The following MKLN1 variants were observed in gnomAD, a reference collection of about 807,000 sequenced individuals.
The protein encoded by MKLN1 is muskelin 1.
MKLN1 carries 18 observed loss-of-function variants against 99.0 expected under a neutral mutation model. The observed-to-expected ratio is 0.18, with a 90% CI of 0.13 to 0.27. The LOEUF is 0.27. MKLN1 is among the 10% of genes least tolerant of loss of function. The pLI, the probability that MKLN1 is intolerant of heterozygous loss-of-function variation, is 1.00. For synonymous variants in MKLN1, 288 were observed against 293.2 expected (o/e 0.98, Z 0.18); for missense variants, 621 against 875.9 (o/e 0.71, Z 3.67).
intron 9 of MKLN1, 118 bp downstream of exon 9, chr7:131,429,263 G>A: frequency 1.6e-6 from 1 of 621,222 alleles, no homozygotes; most frequent in Non-Finnish European, 2.6e-6. Context: ...AATAGAATTT[G>A]TGGTAAACAA....
At chr7:131,186,589 C>G (rs936589252) in intron 2 of MKLN1, among the ~76,000 whole-genome samples, 17 of 152,164 alleles carry the variant, frequency 1.1e-4, no homozygotes. Flanking sequence ...AGTAGGTTCC[C>G]TCAGTGGGCT....
At position 131,171,696 on chromosome 7, in the gene MKLN1, G is replaced by A. The variant is rs1037363495; in HGVS notation, c.-297+28755G>A. 3.9e-5 allele frequency among the ~76,000 whole-genome samples: 6 copies of A among 152,222 alleles called. No individual in the cohort carries two copies. In the South Asian group the frequency reaches 1.0e-3, roughly 26 times the overall value. On this transcript the variant is annotated intron_variant, in intron 2 of 7. Transcript: ENST00000416992. ...TGATCTCGAACTCCTGACCTCAGGT[G>A]ATCCACCCACCTCGGCCTCCCAAAG...
intron 3 of MKLN1, among the ~76,000 whole-genome samples, chr7:131,302,806 T>C (rs1453731073): frequency 6.6e-6 from 1 of 152,200 alleles, no homozygotes; most frequent in Non-Finnish European, 1.5e-5. Context: ...TGCAGTAACT[T>C]ATAATTTAAG....
At chr7:131,410,668 A>C (rs964161548) in intron 6 of MKLN1, among the ~76,000 whole-genome samples, 1 of 152,154 alleles carries the variant, frequency 6.6e-6, no homozygotes, top group Non-Finnish European at 1.5e-5. Flanking sequence ...GATCCAATGA[A>C]TCCATGTCAT....
intron 3 of MKLN1, among the ~76,000 whole-genome samples, chr7:131,387,667 G>C (rs1055411214): frequency 1.3e-5 from 2 of 152,176 alleles, no homozygotes; most frequent in Non-Finnish European, 2.9e-5. Flanking sequence ...GTGGTTTACT[G>C]TAAGTTGGAG....
At chr7:131,230,981 C>T (rs539565834) in intron 3 of MKLN1, among the ~76,000 whole-genome samples, 87 of 151,458 alleles carry the variant, frequency 5.7e-4, no homozygotes, top group African/African-American at 2.0e-3. Context: ...GTTAGCTGGG[C>T]GTGGTGGTGA....
chr7:131,389,759 G>A (rs1270488703), intron 4 of MKLN1, among the ~76,000 whole-genome samples: 1 of 151,850 alleles, frequency 6.6e-6, no homozygotes, highest in African/African-American at 2.4e-5. Flanking sequence ...CGTGGTGGTA[G>A]GCGCCTGTAG....
intron 3 of MKLN1, among the ~76,000 whole-genome samples, chr7:131,235,314 TGAGAGAGAGAGGGA>T (rs1183367055): frequency 6.9e-6 from 1 of 145,846 alleles, no homozygotes; most frequent in Non-Finnish European, 1.5e-5. Flanking sequence ...TGTGTGTATG[TGAGAGAGAGAGGGA>T]GAGAGAGAGA....
At chr7:131,217,938 G>A (rs1468991241) in intron 3 of MKLN1, among the ~76,000 whole-genome samples, 1 of 152,176 alleles carries the variant, frequency 6.6e-6, no homozygotes, top group South Asian at 2.1e-4. Context: ...TTTAATAAAT[G>A]TGGGGCCAGC....
chr7:131,318,511 T>G (rs1262060066), intron 3 of MKLN1, among the ~76,000 whole-genome samples: 1 of 152,194 alleles, frequency 6.6e-6, no homozygotes, highest in East Asian at 1.9e-4. Flanking sequence ...TGGAAAGATC[T>G]GAAATCGTCA....
At chr7:131,339,899 AT>A (rs1672972444) in intron 1 of MKLN1, among the ~76,000 whole-genome samples, 1 of 152,094 alleles carries the variant, frequency 6.6e-6, no homozygotes, top group Non-Finnish European at 1.5e-5. Context: ...TACTTTAAAA[AT>A]ATTCCTACTT....
intron 3 of MKLN1, among the ~76,000 whole-genome samples, chr7:131,318,388 G>C (rs543645344): frequency 3.9e-5 from 6 of 152,238 alleles, no homozygotes; most frequent in African/African-American, 1.4e-4. Context: ...GGCAGATAAA[G>C]AAGTTCTTCG....
At chr7:131,275,723 G>A (rs905358572) in intron 3 of MKLN1, among the ~76,000 whole-genome samples, 6 of 150,650 alleles carry the variant, frequency 4.0e-5, no homozygotes, top group African/African-American at 9.8e-5. Flanking sequence ...GAGCCACTGC[G>A]CCCTGCCCAT....
intron 2 of MKLN1, among the ~76,000 whole-genome samples, chr7:131,155,237 T>C (rs1795946406): frequency 6.6e-6 from 1 of 152,174 alleles, no homozygotes; most frequent in Non-Finnish European, 1.5e-5. Context: ...TACAATTTTA[T>C]GTGTATATGG....
At chr7:131,171,631 T>C (rs1796217860) in intron 2 of MKLN1, among the ~76,000 whole-genome samples, 1 of 151,996 alleles carries the variant, frequency 6.6e-6, no homozygotes. Context: ...TAACTTTTTG[T>C]ATTTTTGGTG....
In MKLN1 at chr7:131,332,958, G is replaced by A. The variant is rs955746085; in HGVS notation, c.98+4961G>A. Among the ~76,000 whole-genome samples, 4 of 151,736 alleles carry A rather than the reference G, an allele frequency of 2.6e-5. No homozygotes were observed. In the South Asian group the frequency reaches 8.3e-4, roughly 32 times the overall value. Reference sequence around the variant, plus strand: ...TTTTTTTTTTAGATGGAGTCTCGCTGTGTCACCCAGACTGGAATTTAGTGG... The same window carrying A: ...TTTTTTTTTTAGATGGAGTCTCGCTATGTCACCCAGACTGGAATTTAGTGG... On this transcript the variant is annotated intron_variant, in intron 1 of 17. Transcript: ENST00000352689.
intron 1 of MKLN1, among the ~76,000 whole-genome samples, chr7:131,367,672 AT>A (rs1198041223): frequency 2.0e-5 from 3 of 151,952 alleles, no homozygotes; most frequent in Non-Finnish European, 4.4e-5. Flanking sequence ...CTCTTTTATT[AT>A]TCTTACCTGG....
At chr7:131,301,266 TG>T (rs1798373493) in intron 3 of MKLN1, among the ~76,000 whole-genome samples, 1 of 152,158 alleles carries the variant, frequency 6.6e-6, no homozygotes, top group African/African-American at 2.4e-5. Flanking sequence ...CTGATTATTT[TG>T]GGGGCTATGA....
At chr7:131,332,366 ATTCTT>A (rs1040559735) in intron 1 of MKLN1, among the ~76,000 whole-genome samples, 46 of 148,392 alleles carry the variant, frequency 3.1e-4, no homozygotes, top group African/African-American at 7.8e-4. Flanking sequence ...ATATATATAT[ATTCTT>A]TTCTTCTTTG....
Sources: gnomAD v4.1 joint callset for allele counts (sites outside exome capture counted in the v4.1 genomes callset) on GRCh38, gnomAD v4.1.1 for gene constraint, MANE v1.5 for transcripts, NCBI Gene and HGNC (gene_info 2026-07-23, HGNC 2026-07-21) for gene names.